Variants in WNT16 observed in about 807,000 individuals in gnomAD.
The protein encoded by WNT16 is protein Wnt-16.
WNT16 carries 20 observed loss-of-function variants against 35.4 expected under a neutral mutation model. The observed-to-expected ratio is 0.56, with a 90% CI of 0.40 to 0.82. WNT16 has a LOEUF of 0.82. Among genes scored for constraint, WNT16 ranks in the 40% least tolerant of loss-of-function variants. WNT16 has a pLI of 0.00. For synonymous variants in WNT16, 180 were observed against 179.2 expected, an observed-to-expected ratio of 1.00 and a Z score of -0.03; for missense variants, 461 against 466.0, an observed-to-expected ratio of 0.99 and a Z score of 0.10.
intron 3 of WNT16, among the ~76,000 whole-genome samples, chr7:121,336,637 C>A (rs1453979044): frequency 6.6e-6 from 1 of 152,254 alleles, no homozygotes; most frequent in East Asian, 1.9e-4. Context: ...AACCTCTTAG[C>A]AGTGACATGT....
At chr7:121,338,633 A>C (rs1006583273) in intron 3 of WNT16, among the ~76,000 whole-genome samples, 3 of 152,232 alleles carry the variant, frequency 2.0e-5, no homozygotes, top group Non-Finnish European at 4.4e-5. Context: ...CTGGTCCACT[A>C]CTTTAAGTAC....
At chr7:121,325,473 T>A (rs1218856790), upstream of WNT16, 1 of 1,613,108 alleles carries the variant, frequency 6.2e-7, no homozygotes, top group Non-Finnish European at 8.5e-7. Flanking sequence ...TCAAAAGACC[T>A]CCCTATGGTG....
rs144100083 is a variant in WNT16, at chr7:121,330,921, A to G, written c.347-757A>G. Reference sequence around the variant, plus strand: ...TGTTATTAATGTTTTAATGGACTTTAATTTTCAAAGATTTTAGCTCAAACT... The same window carrying G: ...TGTTATTAATGTTTTAATGGACTTTGATTTTCAAAGATTTTAGCTCAAACT... On this transcript the variant is annotated intron_variant, in intron 2 of 3. Transcript: ENST00000222462. Among the ~76,000 whole-genome samples the G allele has an allele frequency of 3.2e-3, 486 of 151,996 alleles. 3 individuals carry two copies. Among genetic ancestry groups the G allele is most frequent in the African/African-American group, 0.011 (469 of 41,494 alleles).
chr7:121,329,631 AGCC>A lies in WNT16; in HGVS notation c.164_166del (p.Arg55del), dbSNP rs1376501136. On this transcript the variant is annotated inframe_deletion, in exon 2 of 4. Transcript: ENST00000222462. ...GGGCTGCGCCAATTTGCCGCTGAAC[AGCC>A]GCCAGAAGGAGCTGTGCAAGAGGAA... 1 of 1,614,250 alleles carries A rather than the reference AGCC, an allele frequency of 6.2e-7. No homozygotes were observed. Among genetic ancestry groups the A allele is most frequent in the Non-Finnish European group, 8.5e-7 (1 of 1,180,050 alleles).
rs1156854865 is a variant in WNT16 at position 121,329,371 on chromosome 7, G to A, written c.79G>A (p.Ala27Thr). Residue 27 changes from alanine to threonine, a missense_variant, in exon 1 of 4, where the codon GCC (alanine) becomes ACC (threonine). Physicochemically the swap from Ala to Thr is moderately conservative, Grantham distance 58. Transcript: ENST00000222462. ...AALLVLFPYG[A>T]QGNWMWLGIA... ...CCTGCTCGTGCTGTTCCCCTACGGA[G>A]CCCAAGGAAACTGGATGTGAGTATG... 2 of 1,611,040 alleles carry A rather than the reference G, an allele frequency of 1.2e-6. No individual in the cohort carries two copies. Among genetic ancestry groups the A allele is most frequent in the African/African-American group, 1.3e-5 (1 of 74,898 alleles).
At chr7:121,337,676 A>T (rs900052594) in intron 3 of WNT16, among the ~76,000 whole-genome samples, 1 of 152,176 alleles carries the variant, frequency 6.6e-6, no homozygotes, top group East Asian at 1.9e-4. Context: ...TATGTAAGAG[A>T]TTAGAGCCCT....
Position 121,329,696 on chromosome 7 carries a change from G to A in WNT16, c.225G>A (p.Arg75=), listed in dbSNP as rs1368205044. Residue 75 remains arginine, a synonymous_variant, in exon 2 of 4, where the codon CGG becomes CGA. Transcript: ENST00000222462. ...YLLPSIREGA[R]LGIQECGSQF... ...TGCCGAGCATCCGAGAGGGCGCCCG[G>A]CTGGGCATTCAGGAGTGCGGGAGCC... is the stretch of plus-strand genomic sequence containing the variant. The A allele has an allele frequency of 1.2e-6, 2 of 1,613,632 alleles. No homozygotes were observed. The highest frequency in any genetic ancestry group is 1.1e-5 in the South Asian group (1 of 91,090).
intron 3 of WNT16, among the ~76,000 whole-genome samples, chr7:121,334,466 G>A (rs976741892): frequency 6.6e-6 from 1 of 152,052 alleles, no homozygotes; most frequent in African/African-American, 2.4e-5. Context: ...ACATGGATGA[G>A]CAATCAACTC....
Position 121,329,675 on chromosome 7 carries a change from G to A in WNT16, c.204G>A (p.Pro68=). ...ELCKRKPYLL[P]SIREGARLGI... is the part of the protein sequence containing the mutation. ...GCAAGAGGAAACCGTACCTGCTGCC[G>A]AGCATCCGAGAGGGCGCCCGGCTGG... The change falls in exon 2 of 4, where the codon CCG becomes CCA. Residue 68 remains proline, a synonymous_variant. Coordinates refer to ENST00000222462, the MANE Select transcript of WNT16 (RefSeq NM_057168.2). 1 of 1,614,040 alleles carries A rather than the reference G, an allele frequency of 6.2e-7. No homozygotes were observed.
At chr7:121,325,952 A>T (rs916294588), upstream of WNT16, among the ~76,000 whole-genome samples, 4 of 142,576 alleles carry the variant, frequency 2.8e-5, no homozygotes, top group Admixed American at 1.5e-4. Flanking sequence ...GAGGGTGAGG[A>T]TCGCTTGTGC....
chr7:121,325,467 A>G, upstream of WNT16: 3 of 1,613,522 alleles, frequency 1.9e-6, no homozygotes, highest in Non-Finnish European at 2.5e-6. Flanking sequence ...GGCTTCTCAA[A>G]AGACCTCCCT....
chr7:121,326,104 C>T (rs996270416), upstream of WNT16, among the ~76,000 whole-genome samples: 5 of 147,832 alleles, frequency 3.4e-5, no homozygotes, highest in South Asian at 4.2e-4. Flanking sequence ...TGAGTAACCT[C>T]GAGCAAGTTT....
At chr7:121,332,977 A>G (rs1478364363) in intron 3 of WNT16, among the ~76,000 whole-genome samples, 1 of 152,062 alleles carries the variant, frequency 6.6e-6, no homozygotes, top group Non-Finnish European at 1.5e-5. Flanking sequence ...GAATTCTACA[A>G]CATAGTTGAC....
chr7:121,329,840 T>C, intron 2 of WNT16, 23 bp downstream of exon 2: 1 of 1,593,380 alleles, frequency 6.3e-7, no homozygotes, highest in Non-Finnish European at 8.5e-7. Context: ...TCCTTAGGGG[T>C]TGGTGGGGGA....
At chr7:121,334,627 G>A (rs1202878158) in intron 3 of WNT16, among the ~76,000 whole-genome samples, 1 of 152,014 alleles carries the variant, frequency 6.6e-6, no homozygotes, top group Non-Finnish European at 1.5e-5. Context: ...GTGGGTACTG[G>A]CGCTTAGTAG....
At position 121,329,398 on chromosome 7, in the gene WNT16, A is replaced by G. The variant is rs747775601; in HGVS notation, c.95+11A>G. 10 of 1,609,476 alleles carry G rather than the reference A, an allele frequency of 6.2e-6. No individual in the cohort carries two copies. The highest frequency in any genetic ancestry group is 8.5e-6 in the Non-Finnish European group (10 of 1,177,482). Reference sequence around the variant, plus strand: ...CCAAGGAAACTGGATGTGAGTATGGAGGTGGCAGGGAAGCATCGGGTAGGT... The same window carrying G: ...CCAAGGAAACTGGATGTGAGTATGGGGGTGGCAGGGAAGCATCGGGTAGGT... On this transcript the variant is annotated intron_variant, in intron 1 of 3. Coordinates refer to ENST00000222462, the MANE Select transcript of WNT16 (RefSeq NM_057168.2).
At chr7:121,334,217 T>C (rs1392370761) in intron 3 of WNT16, among the ~76,000 whole-genome samples, 1 of 152,160 alleles carries the variant, frequency 6.6e-6, no homozygotes, top group Non-Finnish European at 1.5e-5. Context: ...ATCATTTTTT[T>C]CACATTGTTC....
In WNT16 at chr7:121,339,472, C is replaced by T; in HGVS notation, c.*127C>T. The stretch of plus-strand genomic sequence containing the variant: ...CAGTGGAATCCCTAGAACCTTGGAC[C>T]TGAGAGTTTCCCTTACCTGATCGAC... On this transcript the variant is annotated 3_prime_UTR_variant, in exon 4 of 4. Transcript: ENST00000222462. 1.4e-6 allele frequency: 1 copy of T among 737,560 alleles called. No homozygotes were observed. Among genetic ancestry groups the T allele is most frequent in the South Asian group, 1.9e-5 (1 of 53,366 alleles). 45.7% of individuals were successfully genotyped at this position (737,560 alleles called of 1,614,324 possible).
Position 121,329,260 on chromosome 7 carries a change from AG to A in WNT16, c.-32del, listed in dbSNP as rs2116830764. The stretch of plus-strand genomic sequence containing the variant: ...CTCTGGGGAGGGGGTGCAAAAGAGG[AG>A]CGGCTGGGCTGGGGGACTCCATGCG... On this transcript the variant is annotated 5_prime_UTR_variant, in exon 1 of 4. Transcript: ENST00000222462. 6.6e-7 allele frequency: 1 copy of A among 1,511,950 alleles called. No homozygotes were observed. Among genetic ancestry groups the A allele is most frequent in the South Asian group, 1.3e-5 (1 of 79,796 alleles). 93.7% of individuals were successfully genotyped at this position (1,511,950 alleles called of 1,614,324 possible). A position where few individuals can be genotyped will look rare whatever the true frequency, so the allele number is the denominator to read the frequency against.
Sources: gnomAD v4.1 joint callset for allele counts (sites outside exome capture counted in the v4.1 genomes callset) on GRCh38, gnomAD v4.1.1 for gene constraint, MANE v1.5 for transcripts, NCBI Gene and HGNC (gene_info 2026-07-23, HGNC 2026-07-21) for gene names.